The following JMJD1C variants were observed in gnomAD, a reference collection of about 807,000 sequenced individuals.
The protein encoded by JMJD1C is jumonji domain containing 1C, also known as jumonji domain-containing protein 1C.
Under a neutral mutation model 245.3 loss-of-function variants are expected in JMJD1C, and 31 were observed. That is an observed-to-expected ratio of 0.13 (90% CI 0.09 to 0.17). JMJD1C has a LOEUF of 0.17. JMJD1C is among the 10% of genes least tolerant of loss of function. The pLI is 1.00. For missense variants in JMJD1C, 2,691 were observed against 3,000.2 expected, an observed-to-expected ratio of 0.90 and a Z score of 2.41; for synonymous variants, 1,057 against 1,017.4, an observed-to-expected ratio of 1.04 and a Z score of -0.74.
chr10:63,350,619 T>C (rs1944272266), intron 2 of JMJD1C, among the ~76,000 whole-genome samples: 1 of 147,888 alleles, frequency 6.8e-6, no homozygotes, highest in South Asian at 2.1e-4. Context: ...GAACCAACTT[T>C]TTTTTTTTTT....
rs762202448 is a variant in JMJD1C, at chr10:63,219,924, C to G, written c.507G>C (p.Val169=). 1.9e-6 allele frequency: 3 copies of G among 1,613,890 alleles called. No homozygotes were observed. Among genetic ancestry groups the G allele is most frequent in the East Asian group, 2.2e-5 (1 of 44,864 alleles). Reference sequence around the variant, plus strand: ...CCTTTTGTTCCTTTACCCAGACTTTCACTTCCTCATGAAGCTGCGGGTTGT... The same window carrying G: ...CCTTTTGTTCCTTTACCCAGACTTTGACTTCCTCATGAAGCTGCGGGTTGT... The part of the protein sequence containing the change: ...LRDNPQLHEE[V]KVWVKEQKVQ... Residue 169 remains valine (V), a synonymous_variant, in exon 4 of 26, where the codon GTG becomes GTC. Transcript: ENST00000399262.
chr10:63,305,683 T>TGTGTGTGTG (rs71025152), intron 2 of JMJD1C, among the ~76,000 whole-genome samples: 175 of 146,416 alleles, frequency 1.2e-3, no homozygotes, highest in Non-Finnish European at 1.5e-3. Context: ...TGTGTGTGTG[T>TGTGTGTGTG]TGAAAGATCT....
intron 2 of JMJD1C, among the ~76,000 whole-genome samples, chr10:63,305,341 C>A (rs1265460481): frequency 1.4e-5 from 2 of 142,992 alleles, no homozygotes; most frequent in East Asian, 2.0e-4. Context: ...GCACTCCAGC[C>A]TGGCGACGGA....
intron 3 of JMJD1C, chr10:63,223,106 GAT>G: frequency 1.9e-6 from 1 of 522,232 alleles, no homozygotes. Flanking sequence ...AAAACTTACC[GAT>G]AGTTTCAGTA....
rs143671001 is a variant in JMJD1C, at chr10:63,229,800, T to C, written c.448-9817A>G. ...TTATTACATTTTTGCATTCCAATAA[T>C]ATTCTTTGCATTCGAGTTTTATTTT... is the stretch of plus-strand genomic sequence containing the variant. On this transcript the variant is annotated intron_variant, in intron 3 of 25. Transcript: ENST00000399262. 6.8e-3 allele frequency among the ~76,000 whole-genome samples: 1,041 copies of C among 152,344 alleles called. 6 individuals are homozygous for C. Among genetic ancestry groups the C allele is most frequent in the Non-Finnish European group, 0.012 (812 of 68,028 alleles).
At chr10:63,394,162 G>C (rs980428612) in intron 1 of JMJD1C, among the ~76,000 whole-genome samples, 4 of 148,440 alleles carry the variant, frequency 2.7e-5, no homozygotes, top group African/African-American at 1.0e-4. Context: ...ACTCCAGCCA[G>C]GGAGACTGAG....
At chr10:63,219,261 T>C (rs187810471) in intron 4 of JMJD1C, among the ~76,000 whole-genome samples, 1 of 152,298 alleles carries the variant, frequency 6.6e-6, no homozygotes, top group Admixed American at 6.5e-5. Context: ...GAGATAGATA[T>C]GGGAATTTAA....
chr10:63,215,377 G>A lies in JMJD1C; in HGVS notation c.901C>T (p.His301Tyr), dbSNP rs1847858636. The A allele has an allele frequency of 4.3e-5, 70 of 1,614,070 alleles. No individual in the cohort carries two copies. The highest frequency in any genetic ancestry group is 5.7e-5 in the Non-Finnish European group (67 of 1,180,010). ...SQAAVPKQNT[H>Y]QQQQQRSIRP... ...ATACTTCTTTGTTGCTGTTGCTGGT[G>A]TGTATTCTGTTTTGGTACAGCAGCT... is the stretch of plus-strand genomic sequence containing the variant. Residue 301 changes from histidine (H) to tyrosine (Y), a missense_variant, in exon 7 of 26, where the codon CAC becomes TAC. His to Tyr is a moderately conservative substitution (Grantham distance 83). Coordinates refer to ENST00000399262, the MANE Select transcript of JMJD1C (RefSeq NM_032776.3).
chr10:63,185,811 G>T (rs1193632831), intron 19 of JMJD1C, among the ~76,000 whole-genome samples, 158 bp from the exon 20 acceptor site: 2 of 152,162 alleles, frequency 1.3e-5, no homozygotes. Flanking sequence ...TACTTATGTA[G>T]TATTAAAACC....
intron 23 of JMJD1C, chr10:63,177,365 C>T: frequency 4.0e-6 from 1 of 247,202 alleles, no homozygotes; most frequent in Non-Finnish European, 7.8e-6. Context: ...AAGATCCTAC[C>T]TTCTTTAGAC....
chr10:63,364,500 G>A (rs1251910453), intron 2 of JMJD1C, among the ~76,000 whole-genome samples: 1 of 151,956 alleles, frequency 6.6e-6, no homozygotes, highest in East Asian at 1.9e-4. Context: ...AGATAAGCAG[G>A]TTTTTTGTTT....
At chr10:63,495,201 A>T (rs1954318104) in intron 1 of JMJD1C, among the ~76,000 whole-genome samples, 1 of 151,988 alleles carries the variant, frequency 6.6e-6, no homozygotes, top group Non-Finnish European at 1.5e-5. Context: ...CAAAGGAACC[A>T]ATGTTCTTTG....
chr10:63,411,546 G>C (rs111626526), intron 1 of JMJD1C, among the ~76,000 whole-genome samples: 1 of 151,396 alleles, frequency 6.6e-6, no homozygotes, highest in Non-Finnish European at 1.5e-5. Context: ...TGATCCGCCT[G>C]CCTGGGCCTC....
intron 2 of JMJD1C, among the ~76,000 whole-genome samples, chr10:63,361,701 G>A (rs779458899): frequency 1.5e-5 from 1 of 65,682 alleles, no homozygotes; most frequent in Non-Finnish European, 2.7e-5. Context: ...CTGGGCAACA[G>A]AACAATACTG....
chr10:63,494,068 T>C (rs1477136424), intron 1 of JMJD1C, among the ~76,000 whole-genome samples: 1 of 152,172 alleles, frequency 6.6e-6, no homozygotes, highest in African/African-American at 2.4e-5. Flanking sequence ...CCCAGCACTT[T>C]GGAAGGCCGA....
chr10:63,296,322 C>T (rs1859429757), intron 2 of JMJD1C, among the ~76,000 whole-genome samples: 2 of 151,930 alleles, frequency 1.3e-5, no homozygotes, highest in African/African-American at 4.8e-5. Context: ...CTTGTTGATT[C>T]ATTAATATTG....
At chr10:63,312,645 T>G (rs1023087554) in intron 2 of JMJD1C, among the ~76,000 whole-genome samples, 1 of 152,194 alleles carries the variant, frequency 6.6e-6, no homozygotes, top group African/African-American at 2.4e-5. Context: ...AAATCTGAAC[T>G]AAACAATTTA....
At chr10:63,269,494 A>C (rs1177047195) in intron 2 of JMJD1C, among the ~76,000 whole-genome samples, 1 of 152,240 alleles carries the variant, frequency 6.6e-6, no homozygotes, top group Non-Finnish European at 1.5e-5. Context: ...CAAGGTGAGA[A>C]AGTGCAGAAA....
chr10:63,505,122 C>T (rs1298201383), intron 1 of JMJD1C, among the ~76,000 whole-genome samples: 2 of 152,066 alleles, frequency 1.3e-5, no homozygotes, highest in African/African-American at 2.4e-5. Flanking sequence ...ACCATCCTGG[C>T]TAACACGGTG....
Sources: allele counts gnomAD v4.1 joint callset (sites outside exome capture counted in the v4.1 genomes callset), GRCh38; gene constraint gnomAD v4.1.1; transcripts MANE v1.5; gene names NCBI Gene and HGNC (gene_info 2026-07-23, HGNC 2026-07-21).